COL17A1: variants seen among roughly 807,000 people sequenced by gnomAD.
The protein encoded by COL17A1 is collagen type XVII alpha 1 chain.
Under a neutral mutation model 218.4 loss-of-function variants are expected in COL17A1, and 181 were observed. The observed-to-expected ratio is 0.83, with a 90% CI of 0.73 to 0.94. The LOEUF is 0.94. COL17A1 is among the 40% of genes least tolerant of loss of function. COL17A1 has a pLI of 0.00. For synonymous variants in COL17A1, 721 were observed against 731.0 expected, an observed-to-expected ratio of 0.99 and a Z score of 0.22; for missense variants, 1,924 against 1,945.9, an observed-to-expected ratio of 0.99 and a Z score of 0.21.
rs79335407 is a variant in COL17A1 at position 104,034,886 on chromosome 10, C to T, written c.3620-119G>A. ...AAGGAGGGGATGAGGCTGGGCCTCC[C>T]GGGTGATGGGAGGAGAGAAAAGCAG... On this transcript the variant is annotated intron_variant, in intron 50 of 55. Coordinates refer to ENST00000648076, the MANE Select transcript of COL17A1 (RefSeq NM_000494.4). The T allele has an allele frequency of 4.2e-4, 534 of 1,260,928 alleles. 4 individuals are homozygous for T. The East Asian group carries it at 0.01, about 24-fold the overall frequency. The allele number at this position is 1,260,928 out of a possible 1,614,324, so 78.1% of individuals were successfully genotyped here.
chr10:104,035,958 AG>A (rs1335299956), intron 48 of COL17A1, among the ~76,000 whole-genome samples: 2 of 46,562 alleles, frequency 4.3e-5, no homozygotes, highest in African/African-American at 1.3e-4. Context: ...GTGTGAGTAC[AG>A]GAGTATGGGA....
chr10:104,050,924 C>T (rs765498412), intron 25 of COL17A1, 23 bp from the exon 26 acceptor site: 1 of 1,614,152 alleles, frequency 6.2e-7, no homozygotes, highest in Non-Finnish European at 8.5e-7. Context: ...AGAAACCATG[C>T]ACACAGATGA....
intron 48 of COL17A1, among the ~76,000 whole-genome samples, chr10:104,036,047 G>C (rs1309084773): frequency 1.5e-5 from 2 of 132,844 alleles, no homozygotes; most frequent in Non-Finnish European, 3.2e-5. Context: ...TGTGTGTATA[G>C]GAGTGTGTGT....
chr10:104,060,121 G>A lies in COL17A1; in HGVS notation c.1139C>T (p.Ala380Val). 5 of 1,614,056 alleles carry A rather than the reference G, an allele frequency of 3.1e-6. No homozygotes were observed. The highest frequency in any genetic ancestry group is 4.2e-6 in the Non-Finnish European group (5 of 1,180,024). ...VFTASPASIA[A>V]TSFSEDTLKK... ...AAGCCACACAGGATCTGACGCACTT[G>A]CAGCGATGCTGGCAGGGGAGGCTGT... The change falls in exon 14 of 56, where the codon GCA becomes GTA. Residue 380 changes from alanine (A) to valine (V), a missense_variant and splice_region_variant. Coordinates refer to ENST00000648076, the MANE Select transcript of COL17A1 (RefSeq NM_000494.4).
Position 104,050,883 on chromosome 10 carries a change from C to T in COL17A1, c.2057G>A (p.Gly686Glu), listed in dbSNP as rs267602353. 6.2e-7 allele frequency: 1 copy of T among 1,614,144 alleles called. No individual in the cohort carries two copies. Among genetic ancestry groups the T allele is most frequent in the Non-Finnish European group, 8.5e-7 (1 of 1,180,042 alleles). Reference sequence around the variant, plus strand: ...AGGAAGTCCTACTTCACCTCGGAGCCCTTGGAGACCTACAGGACCTGCCCG... The same window carrying T: ...AGGAAGTCCTACTTCACCTCGGAGCTCTTGGAGACCTACAGGACCTGCCCG... Reference protein sequence around the residue: ...QGPPGPVGLQGLRGEVGLPGV... With the variant: ...QGPPGPVGLQELRGEVGLPGV... The change falls in exon 26 of 56, where the codon GGG becomes GAG. Residue 686 changes from glycine to glutamate, a missense_variant. Coordinates refer to ENST00000648076, the MANE Select transcript of COL17A1 (RefSeq NM_000494.4).
rs368283394 is a variant in COL17A1 at position 104,034,130 on chromosome 10, C to T, written c.3971G>A (p.Gly1324Asp). 6.2e-7 allele frequency: 1 copy of T among 1,614,058 alleles called. No homozygotes were observed. Among genetic ancestry groups the T allele is most frequent in the Non-Finnish European group, 8.5e-7 (1 of 1,180,036 alleles). Reference protein sequence around the residue: ...GGGGAGSLGAGGAFGEAAGDR... With the variant: ...GGGGAGSLGADGAFGEAAGDR... Reference sequence around the variant, plus strand: ...TCCTGCAGCTTCACCAAAGGCACCGCCTGCACCCAGGGAGCCTGCACCACC... The same window carrying T: ...TCCTGCAGCTTCACCAAAGGCACCGTCTGCACCCAGGGAGCCTGCACCACC... The change falls in exon 52 of 56, where the codon GGC becomes GAC. Residue 1324 changes from glycine (G) to aspartate (D), a missense_variant. Physicochemically the swap from Gly to Asp is moderately conservative, Grantham distance 94. Coordinates refer to ENST00000648076, the MANE Select transcript of COL17A1 (RefSeq NM_000494.4).
rs565805387 is a variant in COL17A1, at chr10:104,065,645, T to C, written c.608-1049A>G. The stretch of plus-strand genomic sequence containing the variant: ...TACACATTTCCCCAGTATTCTTCAT[T>C]TGGGGGATCTGGCCAACATACTGTC... On this transcript the variant is annotated intron_variant, in intron 9 of 55. Coordinates refer to ENST00000648076, the MANE Select transcript of COL17A1 (RefSeq NM_000494.4). Among the ~76,000 whole-genome samples, 10 of 152,330 alleles carry C rather than the reference T, an allele frequency of 6.6e-5. No individual in the cohort carries two copies. The South Asian group carries it at 2.1e-3, about 32-fold the overall frequency.
At chr10:104,083,269 C>T (rs1317478704) in intron 1 of COL17A1, among the ~76,000 whole-genome samples, 1 of 152,068 alleles carries the variant, frequency 6.6e-6, no homozygotes, top group African/African-American at 2.4e-5. Context: ...CGTTTCCTGC[C>T]CAGGTACATG....
At chr10:104,073,092 G>T in intron 7 of COL17A1, 118 bp downstream of exon 7, 1 of 939,672 alleles carries the variant, frequency 1.1e-6, no homozygotes, top group Non-Finnish European at 1.8e-6. Context: ...AAAGCAGAAA[G>T]CATGCCTTAT....
At position 104,041,301 on chromosome 10, in the gene COL17A1, A is replaced by ACCTGGTGGGCCTCGGGGT. The variant is rs1310469225; in HGVS notation, c.2631_2647+1dup. On this transcript the variant is annotated splice_donor_variant, in intron 38 of 55. Transcript: ENST00000648076. LOFTEE classifies it high-confidence loss of function. ...CCTCCCAGTGGTAAGCTCGGCTCTCACCTGGTGGGCCTCGGGGTCCTGGTG... is the reference window on the plus strand; with the variant it reads ...CCTCCCAGTGGTAAGCTCGGCTCTCACCTGGTGGGCCTCGGGGTCCTGGTGGGCCTCGGGGTCCTGGTG... 3.1e-6 allele frequency: 5 copies of ACCTGGTGGGCCTCGGGGT among 1,603,890 alleles called. No homozygotes were observed. In the South Asian group the frequency reaches 3.3e-5, roughly 11 times the overall value.
chr10:104,035,500 T>C lies in COL17A1; in HGVS notation c.3482A>G (p.Tyr1161Cys). 1.2e-6 allele frequency: 2 copies of C among 1,613,430 alleles called. No individual in the cohort carries two copies. Among genetic ancestry groups the C allele is most frequent in the Non-Finnish European group, 1.7e-6 (2 of 1,179,784 alleles). ...PGPPGLPGTS[Y>C]EELLSLLRGS... ...TCGCAGCAAGGAGAGGAGCTCCTCA[T>C]AGGAGGTTCCCGGCAAGCCAGGGGG... is the stretch of plus-strand genomic sequence containing the variant. The change falls in exon 49 of 56, where the codon TAT (tyrosine) becomes TGT (cysteine). Residue 1161 changes from tyrosine to cysteine, a missense_variant. Coordinates refer to ENST00000648076, the MANE Select transcript of COL17A1 (RefSeq NM_000494.4).
chr10:104,077,588 C>G, intron 3 of COL17A1, 62 bp from the exon 4 acceptor site: 1 of 1,382,322 alleles, frequency 7.2e-7, no homozygotes, highest in Non-Finnish European at 1.0e-6. Context: ...ATCCCCTGGT[C>G]CCCCACCCTG....
intron 33 of COL17A1, 129 bp from the exon 34 acceptor site, chr10:104,043,989 TTTTAATGAACTGAAG>T: frequency 9.9e-7 from 1 of 1,013,390 alleles, no homozygotes; most frequent in Non-Finnish European, 1.6e-6. Flanking sequence ...GCTAAAGGCA[TTTTAATGAACTGAAG>T]GAAGGCAAGC....
intron 1 of COL17A1, among the ~76,000 whole-genome samples, chr10:104,081,546 C>G (rs1294091749): frequency 6.6e-6 from 1 of 152,186 alleles, no homozygotes; most frequent in African/African-American, 2.4e-5. Flanking sequence ...CAACTGGGCT[C>G]TTCTCTTCTT....
At position 104,054,966 on chromosome 10, in the gene COL17A1, C is replaced by T. The variant is rs370862024; in HGVS notation, c.1744+15G>A. 1 of 1,614,060 alleles carries T rather than the reference C, an allele frequency of 6.2e-7. No individual in the cohort carries two copies. The highest frequency in any genetic ancestry group is 8.5e-7 in the Non-Finnish European group (1 of 1,180,004). On this transcript the variant is annotated intron_variant, in intron 20 of 55. Transcript: ENST00000648076. ...TTGCTAATATTTAAGGTAAAAATGC[C>T]CATGTTATAATTACCTTTAGGGCCT...
At chr10:104,046,600 C>A in intron 32 of COL17A1, 147 bp downstream of exon 32, 3 of 746,382 alleles carry the variant, frequency 4.0e-6, no homozygotes, top group Non-Finnish European at 7.2e-6. Flanking sequence ...TCCTAAGGTG[C>A]TTCTCACGAC....
At position 104,078,566 on chromosome 10, in the gene COL17A1, T is replaced by G. The variant is rs141274879; in HGVS notation, c.73A>C (p.Thr25Pro). 6.2e-7 allele frequency: 1 copy of G among 1,614,160 alleles called. No homozygotes were observed. The highest frequency in any genetic ancestry group is 8.5e-7 in the Non-Finnish European group (1 of 1,180,018). Residue 25 changes from threonine (T) to proline (P), a missense_variant, in exon 3 of 56, where the codon ACA (threonine) becomes CCA (proline). Transcript: ENST00000648076. ...TERIVTETVTTRLTSLPPKGG... is the reference protein window; with the variant it reads ...TERIVTETVTPRLTSLPPKGG... The stretch of plus-strand genomic sequence containing the variant: ...CTTGGTGGTAAGGATGTAAGTCTTG[T>G]GGTTACTGTTTCAGTGACAACTAGA...
In COL17A1 at chr10:104,076,366, G is replaced by C. The variant is rs2086710421; in HGVS notation, c.266C>G (p.Thr89Ser). The change falls in exon 5 of 56, where the codon ACT (threonine) becomes AGT (serine). Residue 89 changes from threonine (T) to serine (S), a missense_variant. By Grantham distance (58) the Thr-to-Ser change is moderately conservative. Transcript: ENST00000648076. ...GGTTGAGCCTGGGGAGTTGGGCAGA[G>C]TGGAGGCAGGTGAGTGAGCCCTCCT... is the stretch of plus-strand genomic sequence containing the variant. ...SYRRAHSPAS[T>S]LPNSPGSTFE... 3 of 1,614,240 alleles carry C rather than the reference G, an allele frequency of 1.9e-6. No individual in the cohort carries two copies. The highest frequency in any genetic ancestry group is 2.5e-6 in the Non-Finnish European group (3 of 1,180,036).
chr10:104,043,357 G>T, intron 35 of COL17A1, 144 bp downstream of exon 35: 1 of 767,590 alleles, frequency 1.3e-6, no homozygotes, highest in Non-Finnish European at 2.3e-6. Context: ...GAATGCAAGA[G>T]TTTGCTTTTC....
Sources: gnomAD v4.1 joint callset for allele counts (sites outside exome capture counted in the v4.1 genomes callset) on GRCh38, gnomAD v4.1.1 for gene constraint, MANE v1.5 for transcripts, NCBI Gene and HGNC (gene_info 2026-07-23, HGNC 2026-07-21) for gene names.